The following TRIM9 variants were observed in gnomAD, a reference collection of about 807,000 sequenced individuals.
TRIM9 encodes E3 ubiquitin-protein ligase TRIM9.
A neutral mutation model predicts 78.3 loss-of-function variants in TRIM9; 26 were observed. The ratio of observed to expected loss-of-function variants is 0.33; its 90% CI spans 0.24 to 0.46. The LOEUF is 0.46. TRIM9 is among the 20% of genes least tolerant of loss of function. The pLI is 1.00. For synonymous variants in TRIM9, 398 were observed against 416.5 expected (o/e 0.96, Z 0.54); for missense variants, 787 against 1,036.4 (o/e 0.76, Z 3.30).
At chr14:51,045,857 T>G (rs1377219100) in intron 1 of TRIM9, among the ~76,000 whole-genome samples, 1 of 152,066 alleles carries the variant, frequency 6.6e-6, no homozygotes, top group African/African-American at 2.4e-5. Flanking sequence ...AGCAACAGTA[T>G]GCGCAAGGAG....
chr14:51,053,580 CTTTTTTTTTTTTTAATTTTT>C (rs1191673861), intron 1 of TRIM9, among the ~76,000 whole-genome samples: 20 of 74,812 alleles, frequency 2.7e-4, no homozygotes, highest in Non-Finnish European at 1.1e-4. Flanking sequence ...TTTTAATTTT[CTTTTTTTTTTTTTAATTTTT>C]TTTTTTTTTA....
intron 7 of TRIM9, among the ~76,000 whole-genome samples, chr14:50,989,765 C>T (rs1020521169): frequency 3.6e-4 from 55 of 152,158 alleles, no homozygotes; most frequent in African/African-American, 1.2e-3. Flanking sequence ...GTAACGAATA[C>T]GTATCAAGAT....
At chr14:50,991,049 A>G (rs2053444491) in intron 7 of TRIM9, among the ~76,000 whole-genome samples, 2 of 152,136 alleles carry the variant, frequency 1.3e-5, no homozygotes, top group East Asian at 1.9e-4. Context: ...TGTTTTGAAA[A>G]CCTTCTTTTA....
At chr14:50,990,542 T>C (rs1348503464) in intron 7 of TRIM9, among the ~76,000 whole-genome samples, 6 of 152,228 alleles carry the variant, frequency 3.9e-5, no homozygotes, top group Non-Finnish European at 8.8e-5. Flanking sequence ...CTAAAGATTT[T>C]TGCAGATGTT....
At position 51,048,568 on chromosome 14, in the gene TRIM9, G is replaced by T. The variant is rs539344937; in HGVS notation, c.823-23208C>A. Among the ~76,000 whole-genome samples, 5 of 86,878 alleles carry T rather than the reference G, an allele frequency of 5.8e-5. No individual in the cohort carries two copies. The South Asian group carries it at 2.3e-3, about 39-fold the overall frequency. The allele number at this position is 86,878 out of a possible 152,430, so 57.0% of individuals were successfully genotyped here. Reference sequence around the variant, plus strand: ...CAGACTCTGCCCTCAAGAAGCTGGGGATCCTAGGCACATAAACAAATAAAA... The same window carrying T: ...CAGACTCTGCCCTCAAGAAGCTGGGTATCCTAGGCACATAAACAAATAAAA... On this transcript the variant is annotated intron_variant, in intron 1 of 12. Transcript: ENST00000684578.
intron 1 of TRIM9, chr14:51,089,400 C>T (rs1255055543): frequency 6.6e-6 from 1 of 152,164 alleles, no homozygotes; most frequent in Non-Finnish European, 1.5e-5. Context: ...ATTTATCATA[C>T]TGATGGTAAG....
At chr14:51,046,331 C>T (rs996338951) in intron 1 of TRIM9, among the ~76,000 whole-genome samples, 1 of 152,180 alleles carries the variant, frequency 6.6e-6, no homozygotes, top group East Asian at 1.9e-4. Flanking sequence ...TCTCAACACA[C>T]ACATGCAAAT....
chr14:51,002,028 C>T (rs1310041620), intron 5 of TRIM9, among the ~76,000 whole-genome samples: 2 of 152,218 alleles, frequency 1.3e-5, no homozygotes, highest in Non-Finnish European at 2.9e-5. Flanking sequence ...CCTTCAGACA[C>T]ACATAGAAAT....
intron 2 of TRIM9, among the ~76,000 whole-genome samples, chr14:51,023,758 T>C (rs112606010): frequency 8.0e-4 from 122 of 152,336 alleles, no homozygotes; most frequent in African/African-American, 2.9e-3. Flanking sequence ...TGCATATATA[T>C]GCATAATCTG....
intron 1 of TRIM9, 87 bp from the exon 2 acceptor site, chr14:51,025,447 A>C: frequency 1.3e-6 from 1 of 795,652 alleles, no homozygotes; most frequent in East Asian, 2.7e-5. Flanking sequence ...AGAGTCATCA[A>C]CCTCCTCAGA....
chr14:51,039,025 G>T (rs148496371), intron 1 of TRIM9, among the ~76,000 whole-genome samples: 61 of 152,294 alleles, frequency 4.0e-4, no homozygotes, highest in Middle Eastern at 3.4e-3. Flanking sequence ...AAGGCACGGG[G>T]TCATTAGAAA....
chr14:51,034,601 G>A lies in TRIM9; in HGVS notation c.823-9241C>T, dbSNP rs114695305. Among the ~76,000 whole-genome samples, 302 of 152,064 alleles carry A rather than the reference G, an allele frequency of 2.0e-3. 2 individuals carry two copies. The highest frequency in any genetic ancestry group is 6.5e-3 in the African/African-American group (270 of 41,484). ...TGAAAGTTTAACGCAGTTTCACCTC[G>A]GGAAACAGGAATAATCAAGAATGTG... On this transcript the variant is annotated intron_variant, in intron 1 of 12. Coordinates refer to ENST00000684578, the MANE Select transcript of TRIM9 (RefSeq NM_001387360.1).
intron 3 of TRIM9, among the ~76,000 whole-genome samples, chr14:51,016,758 C>T (rs999021333): frequency 1.3e-5 from 2 of 152,040 alleles, no homozygotes; most frequent in Admixed American, 1.3e-4. Flanking sequence ...AAACTGCTCC[C>T]TGGTGCCAAA....
chr14:51,094,015 G>A lies in TRIM9; in HGVS notation c.822+103C>T, dbSNP rs1596345192. 7 of 1,188,492 alleles carry A rather than the reference G, an allele frequency of 5.9e-6. No individual in the cohort carries two copies. The East Asian group carries it at 1.2e-4, about 20-fold the overall frequency. 73.6% of individuals were successfully genotyped at this position (1,188,492 alleles called of 1,614,324 possible). A position where few individuals can be genotyped will look rare whatever the true frequency, so the allele number is the denominator to read the frequency against. Reference sequence around the variant, plus strand: ...TAAACATCGAAGGCACCTGCATTGCGCCCCCACTGGGATGCGCTGTGCGCA... The same window carrying A: ...TAAACATCGAAGGCACCTGCATTGCACCCCCACTGGGATGCGCTGTGCGCA... On this transcript the variant is annotated intron_variant, in intron 1 of 12. Transcript: ENST00000684578.
intron 3 of TRIM9, among the ~76,000 whole-genome samples, chr14:51,015,092 G>A (rs989577198): frequency 4.6e-5 from 7 of 152,306 alleles, no homozygotes; most frequent in Admixed American, 1.3e-4. Flanking sequence ...CATTTGAACA[G>A]TTTTATTTTG....
intron 5 of TRIM9, among the ~76,000 whole-genome samples, chr14:51,006,328 A>G (rs1275736959): frequency 3.3e-5 from 5 of 152,186 alleles, no homozygotes; most frequent in Non-Finnish European, 5.9e-5. Context: ...TTTACTGACA[A>G]GTTGTGAAAG....
intron 8 of TRIM9, 59 bp from the exon 9 acceptor site, chr14:50,983,480 C>T: frequency 7.5e-7 from 1 of 1,330,778 alleles, no homozygotes; most frequent in Non-Finnish European, 1.0e-6. Flanking sequence ...ATAAAAATTA[C>T]TTGTATACGC....
chr14:51,024,063 T>C (rs1053508911), intron 2 of TRIM9, among the ~76,000 whole-genome samples: 2 of 152,234 alleles, frequency 1.3e-5, no homozygotes, highest in African/African-American at 4.8e-5. Context: ...TTCACGGCAA[T>C]TGCTTTTGAA....
chr14:51,009,922 T>G (rs1163487292), intron 4 of TRIM9, among the ~76,000 whole-genome samples: 1 of 152,190 alleles, frequency 6.6e-6, no homozygotes, highest in Non-Finnish European at 1.5e-5. Context: ...GAGAAATCTC[T>G]GCATTTGAGA....
Sources: gnomAD v4.1 joint callset for allele counts (sites outside exome capture counted in the v4.1 genomes callset) on GRCh38, gnomAD v4.1.1 for gene constraint, MANE v1.5 for transcripts, NCBI Gene and HGNC (gene_info 2026-07-23, HGNC 2026-07-21) for gene names.